ERC2: variants seen among roughly 807,000 people sequenced by gnomAD.
The protein encoded by ERC2 is ERC protein 2.
A neutral mutation model predicts 114.8 loss-of-function variants in ERC2; 42 were observed. The ratio of observed to expected loss-of-function variants is 0.37; its 90% CI spans 0.29 to 0.47. ERC2 has a LOEUF of 0.47. ERC2 is among the 20% of genes least tolerant of loss of function. The pLI is 0.99. For missense variants in ERC2, 939 were observed against 1,150.7 expected, an observed-to-expected ratio of 0.82 and a Z score of 2.66; for synonymous variants, 454 against 425.5, an observed-to-expected ratio of 1.07 and a Z score of -0.82.
chr3:56,214,337 G>A (rs944891694), intron 3 of ERC2, among the ~76,000 whole-genome samples: 6 of 150,384 alleles, frequency 4.0e-5, no homozygotes. Flanking sequence ...CGAGAACTAC[G>A]TGATGAATGC....
intron 10 of ERC2, among the ~76,000 whole-genome samples, chr3:55,993,039 T>C (rs2071199828): frequency 6.6e-6 from 1 of 151,896 alleles, no homozygotes; most frequent in South Asian, 2.1e-4. Flanking sequence ...TGGGTTTGTG[T>C]GTGAGAGAGT....
intron 17 of ERC2, among the ~76,000 whole-genome samples, chr3:55,632,086 T>TA (rs2059778547): frequency 1.3e-5 from 2 of 152,204 alleles, no homozygotes; most frequent in South Asian, 4.1e-4. Flanking sequence ...TCACACCTGA[T>TA]ACTGTGCTGA....
intron 14 of ERC2, among the ~76,000 whole-genome samples, chr3:55,767,308 T>C (rs180901568): frequency 2.0e-5 from 3 of 152,330 alleles, no homozygotes; most frequent in Admixed American, 6.5e-5. Context: ...CTACTACTTT[T>C]TTCCATTGCT....
chr3:56,195,697 T>C (rs1037886374), intron 3 of ERC2, among the ~76,000 whole-genome samples: 1 of 151,942 alleles, frequency 6.6e-6, no homozygotes, highest in African/African-American at 2.4e-5. Flanking sequence ...GGCATGGTGG[T>C]GTACCTGTAG....
At chr3:56,090,233 A>T (rs891077854) in intron 6 of ERC2, among the ~76,000 whole-genome samples, 3 of 152,214 alleles carry the variant, frequency 2.0e-5, no homozygotes, top group Non-Finnish European at 4.4e-5. Context: ...TCTACGGATG[A>T]GGGTGTGCCC....
intron 7 of ERC2, among the ~76,000 whole-genome samples, chr3:56,047,589 T>C (rs1437048128): frequency 3.9e-5 from 6 of 152,038 alleles, no homozygotes; most frequent in South Asian, 4.1e-4. Flanking sequence ...GAGAACAAAA[T>C]GAAGGAGGAA....
chr3:55,868,995 C>T (rs2062447649), intron 14 of ERC2, among the ~76,000 whole-genome samples: 1 of 152,086 alleles, frequency 6.6e-6, no homozygotes, highest in East Asian at 1.9e-4. Context: ...CATTGTATAT[C>T]TTATTTTTTT....
chr3:56,168,806 C>A (rs568791438), intron 4 of ERC2, among the ~76,000 whole-genome samples: 1 of 152,202 alleles, frequency 6.6e-6, no homozygotes, highest in African/African-American at 2.4e-5. Flanking sequence ...GGCACAAAGA[C>A]AAAGTGAAGT....
intron 17 of ERC2, among the ~76,000 whole-genome samples, chr3:55,583,373 T>G (rs961097551): frequency 4.8e-4 from 71 of 147,264 alleles, no homozygotes; most frequent in African/African-American, 1.5e-3. Context: ...CTGCCTGCCT[T>G]CTTTCCTTCT....
chr3:56,191,702 C>A (rs1223019958), intron 3 of ERC2, among the ~76,000 whole-genome samples: 1 of 152,120 alleles, frequency 6.6e-6, no homozygotes, highest in Admixed American at 6.5e-5. Context: ...CATCCCCAGC[C>A]AGTTAACTAC....
chr3:56,028,603 C>T (rs753491152), intron 7 of ERC2, among the ~76,000 whole-genome samples: 9 of 152,094 alleles, frequency 5.9e-5, no homozygotes, highest in Non-Finnish European at 1.2e-4. Flanking sequence ...ATAGCTTCCA[C>T]ATATTCTGTT....
At chr3:55,541,318 C>T (rs1466191986) in intron 17 of ERC2, among the ~76,000 whole-genome samples, 2 of 152,070 alleles carry the variant, frequency 1.3e-5, no homozygotes, top group Admixed American at 1.3e-4. Context: ...TACAAAGACG[C>T]TGAAACAGCC....
At chr3:56,110,305 C>A (rs1363088267) in intron 6 of ERC2, among the ~76,000 whole-genome samples, 1 of 151,968 alleles carries the variant, frequency 6.6e-6, no homozygotes, top group African/African-American at 2.4e-5. Flanking sequence ...GTGGTTATAC[C>A]CTTTGACCCA....
At chr3:56,222,318 C>T (rs1050816533) in intron 3 of ERC2, among the ~76,000 whole-genome samples, 2 of 152,178 alleles carry the variant, frequency 1.3e-5, no homozygotes, top group African/African-American at 4.8e-5. Context: ...CTCTAAGCCA[C>T]ATCCACACTA....
intron 17 of ERC2, among the ~76,000 whole-genome samples, chr3:55,638,593 C>T (rs1019503210): frequency 1.1e-4 from 17 of 152,124 alleles, no homozygotes; most frequent in African/African-American, 4.1e-4. Context: ...CAAAGAGTCA[C>T]GTTAGAGTCT....
chr3:55,546,422 TTTC>T (rs1466163717), intron 17 of ERC2, among the ~76,000 whole-genome samples: 1 of 152,216 alleles, frequency 6.6e-6, no homozygotes, highest in African/African-American at 2.4e-5. Flanking sequence ...GGGATTCATT[TTTC>T]TTCAAGTGAC....
chr3:56,003,032 G>T, intron 10 of ERC2: 1 of 1,168,516 alleles, frequency 8.6e-7, no homozygotes, highest in Non-Finnish European at 1.1e-6. Context: ...ATGGCACACC[G>T]TGACTGGTGA....
intron 2 of ERC2, among the ~76,000 whole-genome samples, chr3:56,409,562 T>C (rs922455415): frequency 6.7e-6 from 1 of 149,370 alleles, no homozygotes; most frequent in Non-Finnish European, 1.5e-5. Context: ...GCTGGTGATA[T>C]TTAAATGAAC....
intron 17 of ERC2, among the ~76,000 whole-genome samples, chr3:55,534,823 G>T (rs1432366281): frequency 6.6e-6 from 1 of 152,170 alleles, no homozygotes; most frequent in Non-Finnish European, 1.5e-5. Flanking sequence ...GGAGCACAAG[G>T]TGATGACAGG....
Sources: gnomAD v4.1 joint callset for allele counts (sites outside exome capture counted in the v4.1 genomes callset) on GRCh38, gnomAD v4.1.1 for gene constraint, MANE v1.5 for transcripts, NCBI Gene and HGNC (gene_info 2026-07-23, HGNC 2026-07-21) for gene names.